NFIB: variants seen among roughly 807,000 people sequenced by gnomAD.
The protein encoded by NFIB is nuclear factor I B, also known as nuclear factor 1 B-type.
NFIB carries 11 observed loss-of-function variants against 61.5 expected under a neutral mutation model. The observed-to-expected ratio is 0.18, with a 90% CI of 0.11 to 0.30. The LOEUF is 0.30. Ranked by LOEUF, NFIB falls within the 10% of genes least tolerant of loss-of-function variation. The probability of loss-of-function intolerance (pLI) is 1.00; values close to 1 mark genes in which losing one functional copy is unlikely to be tolerated. For missense variants in NFIB, 471 were observed against 608.9 expected, an observed-to-expected ratio of 0.77 and a Z score of 2.38; for synonymous variants, 260 against 216.5, an observed-to-expected ratio of 1.20 and a Z score of -1.76.
intron 2 of NFIB, among the ~76,000 whole-genome samples, chr9:14,219,381 TAAAAAA>T (rs751279935): frequency 4.2e-4 from 31 of 73,516 alleles, no homozygotes; most frequent in African/African-American, 1.4e-3. Context: ...AGCACTAGGG[TAAAAAA>T]AAAAAAAAAA....
intron 2 of NFIB, 104 bp downstream of exon 2, chr9:14,306,885 T>C (rs10961471): frequency 0.29 from 403,355 of 1,383,570 alleles, 61,356 homozygotes; most frequent in Admixed American, 0.45. Flanking sequence ...GGGTGGAGGA[T>C]ATCTAGGGGC....
intron 4 of NFIB, among the ~76,000 whole-genome samples, chr9:14,155,333 A>G (rs1203554402): frequency 6.6e-6 from 1 of 152,180 alleles, no homozygotes; most frequent in African/African-American, 2.4e-5. Context: ...TTTGGATAAC[A>G]ATGCTTTCTA....
intron 2 of NFIB, among the ~76,000 whole-genome samples, chr9:14,279,055 TAC>T (rs999936618): frequency 3.3e-5 from 5 of 152,072 alleles, no homozygotes; most frequent in African/African-American, 1.2e-4. Context: ...AATATATGCA[TAC>T]ACACACAGAG....
At chr9:14,097,875 CT>C (rs71321962) in intron 10 of NFIB, among the ~76,000 whole-genome samples, 248 of 110,860 alleles carry the variant, frequency 2.2e-3, no homozygotes, top group Middle Eastern at 5.3e-3. Context: ...TTTCTTTTTT[CT>C]TTTTTTTTTT....
rs367867527 is a variant in NFIB at position 14,307,395 on chromosome 9, A to G, written c.156T>C (p.Asp52=). The G allele has an allele frequency of 6.2e-7, 1 of 1,613,760 alleles. No homozygotes were observed. Among genetic ancestry groups the G allele is most frequent in the South Asian group, 1.1e-5 (1 of 91,056 alleles). Reference sequence around the variant, plus strand: ...GCTCATCTTTGACTGCTCTTTCTTCATCCTTTGACATTCGCTTCTCATGCT... The same window carrying G: ...GCTCATCTTTGACTGCTCTTTCTTCGTCCTTTGACATTCGCTTCTCATGCT... The part of the protein sequence containing the change: ...FKKHEKRMSK[D]EERAVKDELL... Residue 52 remains aspartate, a synonymous_variant, in exon 2 of 11, where the codon GAT becomes GAC. Coordinates refer to ENST00000380953, the MANE Select transcript of NFIB (RefSeq NM_001190737.2). This position sits in a 1 kb window ranked among gnomAD's most constrained non-coding sequence, Gnocchi z 5.3.
At chr9:14,363,142 A>C (rs934986071) in intron 1 of NFIB, among the ~76,000 whole-genome samples, 2 of 152,180 alleles carry the variant, frequency 1.3e-5, no homozygotes, top group African/African-American at 4.8e-5. Flanking sequence ...AGTTGCACCA[A>C]ATTTTAGCTC....
chr9:14,351,713 C>T (rs1031246986), intron 1 of NFIB, among the ~76,000 whole-genome samples: 12 of 152,178 alleles, frequency 7.9e-5, no homozygotes, highest in Admixed American at 1.3e-4. Context: ...GCCTCCCTTG[C>T]AAAGACTGTG....
At chr9:14,208,673 T>C (rs1013143791) in intron 2 of NFIB, among the ~76,000 whole-genome samples, 8 of 152,284 alleles carry the variant, frequency 5.3e-5, no homozygotes, top group African/African-American at 1.7e-4. Context: ...AAAAACATCC[T>C]GGAAGTTTCC....
intron 3 of NFIB, among the ~76,000 whole-genome samples, chr9:14,161,634 T>C (rs1372978740): frequency 6.6e-6 from 1 of 152,104 alleles, no homozygotes; most frequent in Non-Finnish European, 1.5e-5. Context: ...TGACTATATA[T>C]TGCATGGCTG....
At chr9:14,124,547 A>G (rs2039385136) in intron 7 of NFIB, among the ~76,000 whole-genome samples, 1 of 152,210 alleles carries the variant, frequency 6.6e-6, no homozygotes, top group Admixed American at 6.5e-5. Flanking sequence ...TAAAGATTTA[A>G]AAACCAGATT....
chr9:14,233,484 G>A (rs985603332), intron 2 of NFIB, among the ~76,000 whole-genome samples: 1 of 142,958 alleles, frequency 7.0e-6, no homozygotes, highest in Non-Finnish European at 1.5e-5. Context: ...CTGGAGTATA[G>A]TGGTGCGATC....
At chr9:14,486,318 G>A in the NFIB span, among the ~76,000 whole-genome samples, 3 of 152,120 alleles carry the variant, frequency 2.0e-5, no homozygotes, top group Admixed American at 6.5e-5. Context: ...ACATTAGGAG[G>A]AAGAGACTAG....
chr9:14,150,731 C>T (rs540291467), intron 4 of NFIB, among the ~76,000 whole-genome samples: 1 of 152,148 alleles, frequency 6.6e-6, no homozygotes, highest in East Asian at 1.9e-4. Flanking sequence ...TTATTCACAG[C>T]CTCCCAGTTA....
intron 2 of NFIB, among the ~76,000 whole-genome samples, chr9:14,208,230 C>T (rs1199985852): frequency 1.3e-5 from 2 of 151,816 alleles, no homozygotes; most frequent in South Asian, 2.1e-4. Flanking sequence ...CAAAGCAATA[C>T]GTGGTGTTAA....
rs72698739 is a variant in NFIB at position 14,082,541 on chromosome 9, A to G, written c.*5768T>C. The G allele has an allele frequency of 5.1e-4, 106 of 206,950 alleles. No individual in the cohort carries two copies. Among genetic ancestry groups the G allele is most frequent in the Middle Eastern group, 3.2e-3 (2 of 632 alleles). The allele number at this position is 206,950 out of a possible 1,614,324, so 12.8% of individuals were successfully genotyped here. A position where few individuals can be genotyped will look rare whatever the true frequency, so the allele number is the denominator to read the frequency against. On this transcript the variant is annotated 3_prime_UTR_variant, in exon 11 of 11. Transcript: ENST00000380953. ...ATGTAGTTACCCCTCACATTCTACA[A>G]TGTTGTAGAGATTTTTTTTCCCAAG...
At chr9:14,503,415 A>G in the NFIB span, among the ~76,000 whole-genome samples, 1 of 152,194 alleles carries the variant, frequency 6.6e-6, no homozygotes. Context: ...CCAACAGTGT[A>G]AAAGTGTTCC....
intron 2 of NFIB, among the ~76,000 whole-genome samples, chr9:14,218,101 G>GCCTA (rs2051168062): frequency 6.6e-6 from 1 of 152,102 alleles, no homozygotes; most frequent in Non-Finnish European, 1.5e-5. Flanking sequence ...TGGTTGCTTT[G>GCCTA]CCTAGCAAGG....
intron 2 of NFIB, among the ~76,000 whole-genome samples, chr9:14,187,836 G>A (rs1478033272): frequency 1.3e-5 from 2 of 152,038 alleles, no homozygotes; most frequent in African/African-American, 4.8e-5. Context: ...TTCTACCACA[G>A]GGGACTACTA....
intron 1 of NFIB, among the ~76,000 whole-genome samples, chr9:14,385,520 T>A (rs2061539449): frequency 6.6e-6 from 1 of 152,152 alleles, no homozygotes; most frequent in African/African-American, 2.4e-5. Context: ...AAATTAACTT[T>A]TAAAAAGCAT....
Sources: gnomAD v4.1 joint callset for allele counts (sites outside exome capture counted in the v4.1 genomes callset) on GRCh38, gnomAD v4.1.1 for gene constraint, Gnocchi (gnomAD v3.1) non-coding constraint, MANE v1.5 for transcripts, NCBI Gene and HGNC (gene_info 2026-07-23, HGNC 2026-07-21) for gene names.